PCDHGA7: variants seen among roughly 807,000 people sequenced by gnomAD.
PCDHGA7 encodes protocadherin gamma subfamily A, 7, also known as protocadherin gamma-A7.
A neutral mutation model predicts 58.3 loss-of-function variants in PCDHGA7; 44 were observed. The observed-to-expected ratio is 0.75, with a 90% confidence interval of 0.59 to 0.97. The LOEUF (loss-of-function observed/expected upper bound fraction) is 0.97. Among genes scored for constraint, PCDHGA7 ranks in the 50% least tolerant of loss-of-function variants. The pLI, the probability that PCDHGA7 is intolerant of heterozygous loss-of-function variation, is 0.00. For missense variants in PCDHGA7, 1,266 were observed against 1,188.7 expected (o/e 1.06, Z -0.96); for synonymous variants, 516 against 504.2 (o/e 1.02, Z -0.31).
In PCDHGA7 at chr5:141,476,445, T is replaced by G. The variant is rs2099391853; in HGVS notation, c.2425-18362T>G. 1 of 1,613,956 alleles carries G rather than the reference T, an allele frequency of 6.2e-7. No individual in the cohort carries two copies. The highest frequency in any genetic ancestry group is 1.7e-5 in the Admixed American group (1 of 60,008). The stretch of plus-strand genomic sequence containing the variant: ...CCCTCTTGCACTGTAACTCTGGAGT[T>G]GGTAGTGGAGAACCCGCTGGAGCTG... On this transcript the variant is annotated intron_variant, in intron 1 of 3. Coordinates refer to ENST00000518325, the MANE Select transcript of PCDHGA7 (RefSeq NM_018920.4). This position sits in a 1 kb window ranked among gnomAD's most constrained non-coding sequence, Gnocchi z 7.6.
chr5:141,430,315 T>C (rs185896854), intron 1 of PCDHGA7, among the ~76,000 whole-genome samples: 58 of 151,980 alleles, frequency 3.8e-4, no homozygotes, highest in African/African-American at 1.3e-3. Context: ...CATTATAAGA[T>C]TAAAATCATT....
chr5:141,476,743 T>A lies in PCDHGA7; in HGVS notation c.2425-18064T>A. On this transcript the variant is annotated intron_variant, in intron 1 of 3. Coordinates refer to ENST00000518325, the MANE Select transcript of PCDHGA7 (RefSeq NM_018920.4). The surrounding 1 kb of genome is among the most constrained non-coding windows in gnomAD (Gnocchi z 7.6). ...CCCTGGACCGAGAACGGGAGCCTAG[T>A]CTCCAGTTAGTGCTGACGGCGTTGG... is the stretch of plus-strand genomic sequence containing the variant. The A allele has an allele frequency of 6.2e-7, 1 of 1,613,932 alleles. No individual in the cohort carries two copies. The highest frequency in any genetic ancestry group is 1.1e-5 in the South Asian group (1 of 91,064).
intron 1 of PCDHGA7, among the ~76,000 whole-genome samples, chr5:141,464,648 G>A (rs776411908): frequency 6.6e-6 from 1 of 152,020 alleles, no homozygotes; most frequent in African/African-American, 2.4e-5. Flanking sequence ...AACCTGATGG[G>A]TAAAAAGATA....
At chr5:141,440,605 C>G (rs1214459401) in intron 1 of PCDHGA7, 1 of 152,228 alleles carries the variant, frequency 6.6e-6, no homozygotes, top group East Asian at 1.9e-4. Context: ...TGCAACAGAA[C>G]CTGCAGAAGA....
intron 1 of PCDHGA7, among the ~76,000 whole-genome samples, chr5:141,437,331 A>G (rs2097876062): frequency 6.6e-6 from 1 of 152,244 alleles, no homozygotes; most frequent in Non-Finnish European, 1.5e-5. Context: ...TAAAATTTGT[A>G]GCTTCACTGT....
At chr5:141,449,948 C>T (rs1294423807) in intron 1 of PCDHGA7, among the ~76,000 whole-genome samples, 1 of 151,034 alleles carries the variant, frequency 6.6e-6, no homozygotes, top group Non-Finnish European at 1.5e-5. Context: ...TTTTACTATA[C>T]CTCATAGTAA....
Position 141,489,569 on chromosome 5 carries a change from C to T in PCDHGA7, c.2425-5238C>T. On this transcript the variant is annotated intron_variant, in intron 1 of 3. Coordinates refer to ENST00000518325, the MANE Select transcript of PCDHGA7 (RefSeq NM_018920.4). This position sits in a 1 kb window ranked among gnomAD's most constrained non-coding sequence, Gnocchi z 4.5. ...TGCCTGCTGCCAGTGCAGGTGGTGACTGAACACCCCCTGGAGCTAATCCGT... is the reference window on the plus strand; with the variant it reads ...TGCCTGCTGCCAGTGCAGGTGGTGATTGAACACCCCCTGGAGCTAATCCGT... 6.2e-7 allele frequency: 1 copy of T among 1,614,024 alleles called. No homozygotes were observed. The highest frequency in any genetic ancestry group is 2.2e-5 in the East Asian group (1 of 44,870).
At position 141,486,415 on chromosome 5, in the gene PCDHGA7, T is replaced by C. The variant is rs745877804; in HGVS notation, c.2425-8392T>C. On this transcript the variant is annotated intron_variant, in intron 1 of 3. Transcript: ENST00000518325. The surrounding 1 kb of genome is among the most constrained non-coding windows in gnomAD (Gnocchi z 5.0). ...CCCTGGTGACTGCTGGACCCTTGGA[T>C]CGAGAGGCCAAATCTAGCTATGACA... 6.2e-7 allele frequency: 1 copy of C among 1,614,176 alleles called. No individual in the cohort carries two copies. The highest frequency in any genetic ancestry group is 8.5e-7 in the Non-Finnish European group (1 of 1,180,022).
In PCDHGA7 at chr5:141,389,617, A is replaced by G. The variant is rs375985151; in HGVS notation, c.2424+4294A>G. 179 of 1,612,924 alleles carry G rather than the reference A, an allele frequency of 1.1e-4. No individual in the cohort carries two copies. The Middle Eastern group carries it at 3.6e-3, about 32-fold the overall frequency. ...TCTGCGCTCTTCGATATGGTGCCGC[A>G]CGCTGCAGAGCCTGGCTACTTGGTG... is the stretch of plus-strand genomic sequence containing the variant. On this transcript the variant is annotated intron_variant, in intron 1 of 3. Transcript: ENST00000518325.
At chr5:141,496,888 T>TAA (rs35063790) in intron 2 of PCDHGA7, among the ~76,000 whole-genome samples, 141 of 134,106 alleles carry the variant, frequency 1.1e-3, no homozygotes, top group East Asian at 2.4e-3. Context: ...AAGTAACACT[T>TAA]AAAAAAAAAA....
At position 141,384,094 on chromosome 5, in the gene PCDHGA7, G is replaced by C. The variant is rs1223052119; in HGVS notation, c.1195G>C (p.Asp399His). Reference protein sequence around the residue: ...NLPFKLEKSIDNYYRLVTTKN... With the variant: ...NLPFKLEKSIHNYYRLVTTKN... ...ACCTTTTAAATTAGAAAAATCAATA[G>C]ATAATTATTATAGATTGGTCACAAC... Residue 399 changes from aspartate to histidine, a missense_variant, in exon 1 of 4, where the codon GAT (aspartate) becomes CAT (histidine). Transcript: ENST00000518325. The C allele has an allele frequency of 2.5e-6, 4 of 1,596,266 alleles. No individual in the cohort carries two copies. The highest frequency in any genetic ancestry group is 3.4e-6 in the Non-Finnish European group (4 of 1,170,648).
chr5:141,478,744 T>C, intron 1 of PCDHGA7: 1 of 1,528,172 alleles, frequency 6.5e-7, no homozygotes, highest in Non-Finnish European at 8.8e-7. Flanking sequence ...TGTGGTCCCA[T>C]TTCAGGGGGA....
intron 1 of PCDHGA7, among the ~76,000 whole-genome samples, chr5:141,467,758 C>CTCAA (rs933308513): frequency 6.6e-5 from 10 of 152,018 alleles, no homozygotes; most frequent in Admixed American, 5.9e-4. Flanking sequence ...GCCTCACATG[C>CTCAA]TCAAGTGCCC....
chr5:141,385,020 C>A lies in PCDHGA7; in HGVS notation c.2121C>A (p.Phe707Leu), dbSNP rs1780771634. ...CAGTCTCCTGCGTCTTCCTAGCCTT[C>A]GTCCTCGTACTGCTGGCGCTCAGGC... ...VATVSCVFLA[F>L]VLVLLALRLR... is the part of the protein sequence containing the mutation. Residue 707 changes from phenylalanine (F) to leucine (L), a missense_variant, in exon 1 of 4, where the codon TTC (phenylalanine) becomes TTA (leucine). Transcript: ENST00000518325. 7 of 1,614,168 alleles carry A rather than the reference C, an allele frequency of 4.3e-6. No individual in the cohort carries two copies. The highest frequency in any genetic ancestry group is 5.9e-6 in the Non-Finnish European group (7 of 1,180,040).
chr5:141,415,482 G>C, intron 1 of PCDHGA7: 1 of 1,614,218 alleles, frequency 6.2e-7, no homozygotes, highest in Non-Finnish European at 8.5e-7. Context: ...ACTCGCGAAA[G>C]AGTCACCTGA....
intron 1 of PCDHGA7, among the ~76,000 whole-genome samples, chr5:141,460,612 T>C (rs1215147315): frequency 6.6e-6 from 1 of 152,128 alleles, no homozygotes; most frequent in African/African-American, 2.4e-5. Flanking sequence ...GTTAGATGGA[T>C]AGATAGACAG....
intron 1 of PCDHGA7, chr5:141,427,300 A>G: frequency 2.2e-6 from 1 of 456,912 alleles, no homozygotes; most frequent in Non-Finnish European, 4.4e-6. Flanking sequence ...CTAGATGAGA[A>G]TGACAATGCC....
In PCDHGA7 at chr5:141,448,944, C is replaced by CAAAA. The variant is rs560691811; in HGVS notation, c.2425-45859_2425-45856dup. Among the ~76,000 whole-genome samples, 218 of 152,004 alleles carry CAAAA rather than the reference C, an allele frequency of 1.4e-3. 1 individual carries two copies. The highest frequency in any genetic ancestry group is 5.1e-3 in the African/African-American group (213 of 41,464). On this transcript the variant is annotated intron_variant, in intron 1 of 3. Coordinates refer to ENST00000518325, the MANE Select transcript of PCDHGA7 (RefSeq NM_018920.4). ...TGGGCGACAGAGCAAGACTGCAACTCAAAAAAACAAACAAACAAACAAAAA... is the reference window on the plus strand; with the variant it reads ...TGGGCGACAGAGCAAGACTGCAACTCAAAAAAAAAAACAAACAAACAAACAAAAA...
rs758013542 is a variant in PCDHGA7 at position 141,418,314 on chromosome 5, C to A, written c.2424+32991C>A. 9 of 1,613,988 alleles carry A rather than the reference C, an allele frequency of 5.6e-6. No homozygotes were observed. In the East Asian group the frequency reaches 1.3e-4, roughly 24 times the overall value. On this transcript the variant is annotated intron_variant, in intron 1 of 3. Coordinates refer to ENST00000518325, the MANE Select transcript of PCDHGA7 (RefSeq NM_018920.4). ...GAATCCGTCAGCCTGGGGATGGGAACAATTCTTGAGTCTGCAGAAGATCCT... is the reference window on the plus strand; with the variant it reads ...GAATCCGTCAGCCTGGGGATGGGAAAAATTCTTGAGTCTGCAGAAGATCCT...
Sources: gnomAD v4.1 joint callset for allele counts (sites outside exome capture counted in the v4.1 genomes callset) on GRCh38, gnomAD v4.1.1 for gene constraint, Gnocchi (gnomAD v3.1) non-coding constraint, MANE v1.5 for transcripts, NCBI Gene and HGNC (gene_info 2026-07-23, HGNC 2026-07-21) for gene names.